Variants in TBC1D22B observed in about 807,000 individuals in gnomAD.
The protein encoded by TBC1D22B is chromosome 6 open reading frame 197.
In TBC1D22B, 32 loss-of-function variants were observed where a neutral mutation model predicts 69.1. The observed-to-expected ratio is 0.46, with a 90% CI of 0.35 to 0.62. TBC1D22B has a LOEUF of 0.62. TBC1D22B is among the 20% of genes least tolerant of loss of function. TBC1D22B has a pLI of 0.00. For synonymous variants in TBC1D22B, 206 were observed against 229.8 expected, an observed-to-expected ratio of 0.90 and a Z score of 0.94; for missense variants, 462 against 630.9, an observed-to-expected ratio of 0.73 and a Z score of 2.87.
At chr6:37,272,393 G>C (rs370381495) in intron 2 of TBC1D22B, among the ~76,000 whole-genome samples, 1 of 145,746 alleles carries the variant, frequency 6.9e-6, no homozygotes, top group Non-Finnish European at 1.5e-5. Context: ...ACAGAGTCTT[G>C]CGCTGCTGCT....
At chr6:37,301,952 T>A (rs1767584880) in intron 8 of TBC1D22B, among the ~76,000 whole-genome samples, 1 of 152,152 alleles carries the variant, frequency 6.6e-6, no homozygotes, top group Admixed American at 6.6e-5. Context: ...CACTGCCCCA[T>A]CTCACTGAAT....
At chr6:37,305,254 A>C (rs1767676358) in intron 8 of TBC1D22B, among the ~76,000 whole-genome samples, 1 of 152,144 alleles carries the variant, frequency 6.6e-6, no homozygotes, top group Admixed American at 6.5e-5. Flanking sequence ...AAACTTTATT[A>C]TTGTCTCAAG....
Position 37,268,616 on chromosome 6 carries a change from C to T in TBC1D22B, c.57-978C>T, listed in dbSNP as rs571591691. Among the ~76,000 whole-genome samples the T allele has an allele frequency of 2.6e-5, 4 of 152,212 alleles. No homozygotes were observed. In the South Asian group the frequency reaches 6.2e-4, roughly 24 times the overall value. ...GCTTAATGAATAATCACAAAGTGAA[C>T]ACCCCAGAAACTTCTGTGTCTATTT... On this transcript the variant is annotated intron_variant, in intron 1 of 12. Coordinates refer to ENST00000373491, the MANE Select transcript of TBC1D22B (RefSeq NM_017772.4).
In TBC1D22B at chr6:37,285,557, A is replaced by G. The variant is rs191790547; in HGVS notation, c.801+1093A>G. Among the ~76,000 whole-genome samples the G allele has an allele frequency of 2.4e-3, 370 of 152,042 alleles. 2 individuals are homozygous for G. Among genetic ancestry groups the G allele is most frequent in the African/African-American group, 7.7e-3 (319 of 41,466 alleles). ...ACTTAGGCTGGAGTGCAGTGGCGCA[A>G]TCTCGGCTTGCTCCAGCCTTTGTCC... On this transcript the variant is annotated intron_variant, in intron 6 of 12. Transcript: ENST00000373491.
At chr6:37,262,478 T>G (rs886821293) in intron 1 of TBC1D22B, among the ~76,000 whole-genome samples, 1 of 152,248 alleles carries the variant, frequency 6.6e-6, no homozygotes, top group Non-Finnish European at 1.5e-5. Context: ...CCTCTGCGTC[T>G]GGCCAAAATC....
intron 12 of TBC1D22B, among the ~76,000 whole-genome samples, chr6:37,326,856 G>A (rs1199299378): frequency 3.9e-5 from 6 of 152,136 alleles, no homozygotes; most frequent in Non-Finnish European, 8.8e-5. Flanking sequence ...AAATTGATTA[G>A]TATGCATTTT....
intron 10 of TBC1D22B, 114 bp downstream of exon 10, chr6:37,314,005 C>A: frequency 1.1e-6 from 1 of 937,998 alleles, no homozygotes; most frequent in South Asian, 1.3e-5. Flanking sequence ...CCCTTTCCAG[C>A]GCACTGAGTG....
chr6:37,261,389 G>A (rs138443117), intron 1 of TBC1D22B, among the ~76,000 whole-genome samples: 1,780 of 145,500 alleles, frequency 0.012, 31 homozygotes, highest in Middle Eastern at 0.041. Context: ...CTGAGATTGC[G>A]TCACTCCACT....
At position 37,266,928 on chromosome 6, in the gene TBC1D22B, GTC is replaced by G. The variant is rs1766292299; in HGVS notation, c.57-2664_57-2663del. ...AAGTTCAATTTTTAATATTTTCTTCGTCTTTTTTTTTTTTTTTTTTTTTTTTG... is the reference window on the plus strand; with the variant it reads ...AAGTTCAATTTTTAATATTTTCTTCGTTTTTTTTTTTTTTTTTTTTTTTTG... On this transcript the variant is annotated intron_variant, in intron 1 of 12. Transcript: ENST00000373491. Among the ~76,000 whole-genome samples the G allele has an allele frequency of 3.7e-5, 4 of 108,440 alleles. No homozygotes were observed. The South Asian group carries it at 1.1e-3, about 30-fold the overall frequency. 71.1% of individuals were successfully genotyped at this position (108,440 alleles called of 152,430 possible).
At chr6:37,293,290 G>C (rs1204452146) in intron 8 of TBC1D22B, among the ~76,000 whole-genome samples, 1 of 151,936 alleles carries the variant, frequency 6.6e-6, no homozygotes, top group Non-Finnish European at 1.5e-5. Context: ...TGTTAGCCAG[G>C]ATGGTCTCGA....
chr6:37,323,604 G>A (rs144725354), intron 12 of TBC1D22B, among the ~76,000 whole-genome samples: 1 of 152,158 alleles, frequency 6.6e-6, no homozygotes, highest in South Asian at 2.1e-4. Flanking sequence ...GACAGGTCAG[G>A]GTTATTAAAT....
chr6:37,307,219 A>G (rs11961942), intron 8 of TBC1D22B, among the ~76,000 whole-genome samples: 4,844 of 152,284 alleles, frequency 0.032, 241 homozygotes, highest in African/African-American at 0.11. Flanking sequence ...AATTCTTGAC[A>G]GTTTTCTTAA....
intron 8 of TBC1D22B, among the ~76,000 whole-genome samples, chr6:37,311,807 A>C (rs992717885): frequency 2.6e-5 from 4 of 152,220 alleles, no homozygotes; most frequent in Non-Finnish European, 5.9e-5. Flanking sequence ...TGAGGAGAAA[A>C]GCTGTCTGGT....
intron 1 of TBC1D22B, among the ~76,000 whole-genome samples, chr6:37,260,957 G>A (rs1766072535): frequency 6.6e-6 from 1 of 152,088 alleles, no homozygotes; most frequent in Admixed American, 6.5e-5. Flanking sequence ...TTTATGCAGA[G>A]GTTTTTGTTT....
chr6:37,266,538 T>G (rs1766279221), intron 1 of TBC1D22B, among the ~76,000 whole-genome samples: 1 of 150,888 alleles, frequency 6.6e-6, no homozygotes, highest in Admixed American at 6.6e-5. Context: ...CTCGGCCCAC[T>G]GCAACCTCCG....
chr6:37,299,996 G>A (rs1438916400), intron 8 of TBC1D22B, among the ~76,000 whole-genome samples: 1 of 142,892 alleles, frequency 7.0e-6, no homozygotes, highest in Non-Finnish European at 1.5e-5. Context: ...GTGACAGAGT[G>A]AGACTCTGTC....
At chr6:37,308,872 G>A (rs999604981) in intron 8 of TBC1D22B, among the ~76,000 whole-genome samples, 8 of 150,316 alleles carry the variant, frequency 5.3e-5, no homozygotes, top group Admixed American at 4.6e-4. Flanking sequence ...CACTTTGGGA[G>A]GCCAAGGTGG....
chr6:37,265,865 T>C (rs2113973998), intron 1 of TBC1D22B, among the ~76,000 whole-genome samples: 1 of 152,332 alleles, frequency 6.6e-6, no homozygotes, highest in Non-Finnish European at 1.5e-5. Flanking sequence ...GATTTGGCTA[T>C]ATTTTTATTT....
At chr6:37,275,099 G>A (rs1766625308) in intron 2 of TBC1D22B, among the ~76,000 whole-genome samples, 1 of 152,030 alleles carries the variant, frequency 6.6e-6, no homozygotes, top group Non-Finnish European at 1.5e-5. Flanking sequence ...GCCACACTGT[G>A]GCATTCTTTT....
Sources: gnomAD v4.1 joint callset for allele counts (sites outside exome capture counted in the v4.1 genomes callset) on GRCh38, gnomAD v4.1.1 for gene constraint, MANE v1.5 for transcripts, NCBI Gene and HGNC (gene_info 2026-07-23, HGNC 2026-07-21) for gene names.